The following MS4A15 variants were observed in gnomAD, a reference collection of about 807,000 sequenced individuals.
MS4A15 encodes membrane-spanning 4-domains subfamily A member 15.
A neutral mutation model predicts 20.6 loss-of-function variants in MS4A15; 22 were observed. The ratio of observed to expected loss-of-function variants is 1.07; its 90% confidence interval spans 0.76 to 1.52. MS4A15 has a LOEUF of 1.52. MS4A15 is among the 40% of genes most tolerant of loss of function. The pLI is 0.00. For missense variants in MS4A15, 312 were observed against 323.0 expected (o/e 0.97, Z 0.26); for synonymous variants, 129 against 129.3 (o/e 1.00, Z 0.02).
intron 3 of MS4A15, among the ~76,000 whole-genome samples, chr11:60,769,523 A>G (rs982465756): frequency 2.0e-5 from 3 of 152,058 alleles, no homozygotes; most frequent in Admixed American, 2.0e-4. Context: ...CATCAATAAG[A>G]CATCATGCCT....
intron 3 of MS4A15, among the ~76,000 whole-genome samples, 179 bp from the exon 4 acceptor site, chr11:60,771,112 G>A (rs965637598): frequency 6.6e-6 from 1 of 152,212 alleles, no homozygotes; most frequent in Admixed American, 6.5e-5. Context: ...GTAAGCCACA[G>A]CCCTAGTTCT....
rs1247568752 is a variant in MS4A15 at position 60,775,928 on chromosome 11, G to A, written c.*213G>A. ...TCTTTCTAAAAGACACCGGGCTGACGTCAGGGGTGTGTGTCCTTCAGCTCC... is the reference window on the plus strand; with the variant it reads ...TCTTTCTAAAAGACACCGGGCTGACATCAGGGGTGTGTGTCCTTCAGCTCC... On this transcript the variant is annotated 3_prime_UTR_variant, in exon 7 of 7. Transcript: ENST00000405633. 1.3e-5 allele frequency: 6 copies of A among 459,722 alleles called. No individual in the cohort carries two copies. The highest frequency in any genetic ancestry group is 4.1e-5 in the South Asian group (1 of 24,194). The allele number at this position is 459,722 out of a possible 1,614,324, so 28.5% of individuals were successfully genotyped here.
At position 60,773,410 on chromosome 11, in the gene MS4A15, A is replaced by G. The variant is rs1590986541; in HGVS notation, c.424A>G (p.Thr142Ala). The G allele has an allele frequency of 1.2e-6, 2 of 1,613,238 alleles. No homozygotes were observed. Among genetic ancestry groups the G allele is most frequent in the Non-Finnish European group, 1.7e-6 (2 of 1,179,852 alleles). The change falls in exon 5 of 7, where the codon ACC becomes GCC. Residue 142 changes from threonine to alanine, a missense_variant. Transcript: ENST00000405633. ...TSCLVRSSLG[T>A]NILSVMAAFA... is the part of the protein sequence containing the mutation. ...TCTGCAGGTGAGGAGCAGCCTGGGC[A>G]CCAACATCCTCAGCGTCATGGCGGC...
intron 3 of MS4A15, among the ~76,000 whole-genome samples, chr11:60,770,749 AGGCTGGAGTGCAGT>A (rs2134723341): frequency 6.6e-6 from 1 of 151,166 alleles, no homozygotes; most frequent in East Asian, 2.0e-4. Context: ...TCTGTCCCCC[AGGCTGGAGTGCAGT>A]GGCACTATCT....
At chr11:60,769,109 C>A (rs977417781) in intron 3 of MS4A15, among the ~76,000 whole-genome samples, 1 of 152,174 alleles carries the variant, frequency 6.6e-6, no homozygotes, top group African/African-American at 2.4e-5. Flanking sequence ...CCCCTCTGAG[C>A]CCCCTCCTGC....
chr11:60,763,792 G>A lies in MS4A15; in HGVS notation c.59G>A (p.Ser20Asn), dbSNP rs773108065. ...VFVVIPPNNASGLCPPPAILP... is the reference protein window; with the variant it reads ...VFVVIPPNNANGLCPPPAILP... Reference sequence around the variant, plus strand: ...GTTGTCATCCCGCCAAACAACGCCAGTGGCCTCTGCCCACCTCCGGCCATT... The same window carrying A: ...GTTGTCATCCCGCCAAACAACGCCAATGGCCTCTGCCCACCTCCGGCCATT... Residue 20 changes from serine to asparagine, a missense_variant, in exon 2 of 7, where the codon AGT (serine) becomes AAT (asparagine). Transcript: ENST00000405633. 1 of 1,612,302 alleles carries A rather than the reference G, an allele frequency of 6.2e-7. No homozygotes were observed. The highest frequency in any genetic ancestry group is 8.5e-7 in the Non-Finnish European group (1 of 1,179,900).
intron 2 of MS4A15, 30 bp from the exon 3 acceptor site, chr11:60,767,503 C>A (rs1476136491): frequency 2.4e-5 from 35 of 1,486,928 alleles, no homozygotes; most frequent in Non-Finnish European, 3.1e-5. Context: ...GAACAGGGCC[C>A]GCGGCACTGA....
At chr11:60,767,485 G>A in intron 2 of MS4A15, 48 bp from the exon 3 acceptor site, 2 of 1,431,026 alleles carry the variant, frequency 1.4e-6, no homozygotes, top group South Asian at 3.0e-5. Context: ...CCGGCAGGGG[G>A]CGGTGTGGAA....
At chr11:60,759,123 G>C (rs920321178) in intron 1 of MS4A15, among the ~76,000 whole-genome samples, 2 of 152,234 alleles carry the variant, frequency 1.3e-5, no homozygotes, top group Non-Finnish European at 2.9e-5. Flanking sequence ...GGAAAAGAAA[G>C]AGAGATCAGA....
intron 1 of MS4A15, among the ~76,000 whole-genome samples, chr11:60,763,140 C>G (rs1853790519): frequency 6.6e-6 from 1 of 151,790 alleles, no homozygotes; most frequent in Non-Finnish European, 1.5e-5. Flanking sequence ...AAGCTATAAA[C>G]TCTGCATAAA....
intron 5 of MS4A15, 51 bp from the exon 6 acceptor site, chr11:60,773,786 C>A (rs747985841): frequency 2.0e-6 from 3 of 1,508,012 alleles, no homozygotes; most frequent in Non-Finnish European, 2.8e-6. Flanking sequence ...CTCGGGGGAC[C>A]CCCTTACTCT....
At chr11:60,769,767 C>T (rs532380589) in intron 3 of MS4A15, among the ~76,000 whole-genome samples, 2 of 152,256 alleles carry the variant, frequency 1.3e-5, no homozygotes, top group Non-Finnish European at 2.9e-5. Flanking sequence ...TTCCCTGCTG[C>T]GCATCCACCC....
Position 60,771,307 on chromosome 11 carries a change from C to T in MS4A15, c.365C>T (p.Ser122Phe), listed in dbSNP as rs574867120. The T allele has an allele frequency of 5.6e-6, 9 of 1,614,136 alleles. No individual in the cohort carries two copies. In the African/African-American group the frequency reaches 9.3e-5, roughly 17 times the overall value. ...WGGACFIISG[S>F]LSVAAEKNHT... ...CCCATACAGTTCATCATCTCCGGAT[C>T]CCTCTCAGTGGCAGCCGAGAAGAAC... Residue 122 changes from serine to phenylalanine, a missense_variant, in exon 4 of 7, where the codon TCC becomes TTC. Ser to Phe is a radical substitution (Grantham distance 155, BLOSUM62 -2). Transcript: ENST00000405633.
intron 1 of MS4A15, among the ~76,000 whole-genome samples, chr11:60,763,066 G>A (rs1033688927): frequency 6.6e-6 from 1 of 152,084 alleles, no homozygotes; most frequent in African/African-American, 2.4e-5. Context: ...AGAGCTCCCC[G>A]CCACCCCCGC....
intron 1 of MS4A15, among the ~76,000 whole-genome samples, chr11:60,758,914 C>T (rs961788566): frequency 3.9e-5 from 6 of 152,254 alleles, no homozygotes; most frequent in African/African-American, 7.2e-5. Context: ...TTTAAAACCA[C>T]GCAACAGGCA....
chr11:60,766,265 C>A (rs531147802), intron 2 of MS4A15, among the ~76,000 whole-genome samples: 1 of 152,166 alleles, frequency 6.6e-6, no homozygotes, highest in African/African-American at 2.4e-5. Flanking sequence ...CCTGTAATCC[C>A]CATTACTCAG....
chr11:60,775,325 A>AAAAGAAG (rs1554970128), intron 6 of MS4A15, among the ~76,000 whole-genome samples: 2 of 149,854 alleles, frequency 1.3e-5, no homozygotes, highest in Non-Finnish European at 3.0e-5. Flanking sequence ...CTCAAAAAAA[A>AAAAGAAG]AAAGAAAAGA....
chr11:60,774,523 C>A (rs557574859), intron 6 of MS4A15, among the ~76,000 whole-genome samples: 48 of 152,336 alleles, frequency 3.2e-4, no homozygotes, highest in African/African-American at 1.1e-3. Context: ...CTCTGTGCAG[C>A]CCCACAGGCA....
At chr11:60,768,499 T>G (rs1853940317) in intron 3 of MS4A15, among the ~76,000 whole-genome samples, 1 of 152,162 alleles carries the variant, frequency 6.6e-6, no homozygotes, top group African/African-American at 2.4e-5. Flanking sequence ...CCTTGGTGTT[T>G]GCACCCCCAT....
Sources: allele counts gnomAD v4.1 joint callset (sites outside exome capture counted in the v4.1 genomes callset), GRCh38; gene constraint gnomAD v4.1.1; transcripts MANE v1.5; gene names NCBI Gene and HGNC (gene_info 2026-07-23, HGNC 2026-07-21).